The following FARS2 variants were observed in gnomAD, a reference collection of about 807,000 sequenced individuals.
FARS2 encodes the protein phenylalanine--tRNA ligase, mitochondrial.
Under a neutral mutation model 46.4 loss-of-function variants are expected in FARS2, and 40 were observed. That is an observed-to-expected ratio of 0.86 (90% CI 0.67 to 1.12). FARS2 has a LOEUF of 1.12. Among genes scored for constraint, FARS2 ranks in the 50% most tolerant of loss-of-function variants. The pLI, the probability that FARS2 is intolerant of heterozygous loss-of-function variation, is 0.00. For synonymous variants in FARS2, 234 were observed against 214.9 expected, an observed-to-expected ratio of 1.09 and a Z score of -0.78; for missense variants, 513 against 567.9, an observed-to-expected ratio of 0.90 and a Z score of 0.98.
chr6:5,415,316 T>C (rs1314077209), intron 3 of FARS2, among the ~76,000 whole-genome samples: 91 of 133,464 alleles, frequency 6.8e-4, no homozygotes, highest in Non-Finnish European at 9.2e-4. Flanking sequence ...TTTTCTTTTT[T>C]TTTTTTTTTT....
chr6:5,253,550 G>C, the FARS2 span, among the ~76,000 whole-genome samples: 1 of 152,014 alleles, frequency 6.6e-6, no homozygotes, highest in Non-Finnish European at 1.5e-5. Flanking sequence ...AAGCTGCAGC[G>C]ACAACTTGCG....
intron 6 of FARS2, among the ~76,000 whole-genome samples, chr6:5,760,223 G>C (rs1198448599): frequency 1.3e-5 from 2 of 152,200 alleles, no homozygotes; most frequent in African/African-American, 4.8e-5. Context: ...AGAAATAAAA[G>C]TTTTACAACA....
intron 5 of FARS2, among the ~76,000 whole-genome samples, chr6:5,575,469 C>G (rs1330730438): frequency 6.6e-6 from 1 of 152,206 alleles, no homozygotes; most frequent in Non-Finnish European, 1.5e-5. Flanking sequence ...GACACATACC[C>G]TCTTCTCCTA....
At chr6:5,321,839 T>A (rs1330378652) in intron 1 of FARS2, among the ~76,000 whole-genome samples, 1 of 152,190 alleles carries the variant, frequency 6.6e-6, no homozygotes, top group East Asian at 1.9e-4. Flanking sequence ...GAATCTTTAG[T>A]AAAGATTAAC....
intron 4 of FARS2, among the ~76,000 whole-genome samples, chr6:5,513,862 AC>A (rs2150408763): frequency 6.6e-6 from 1 of 152,134 alleles, no homozygotes; most frequent in African/African-American, 2.4e-5. Context: ...GGCTTTCTGT[AC>A]CATTACAGAT....
At chr6:5,342,644 C>T (rs192296204) in intron 1 of FARS2, among the ~76,000 whole-genome samples, 2 of 151,678 alleles carry the variant, frequency 1.3e-5, no homozygotes, top group African/African-American at 2.4e-5. Context: ...CCCAGCTATT[C>T]GGGAGGCTGA....
intron 6 of FARS2, among the ~76,000 whole-genome samples, chr6:5,663,253 T>C (rs1311289813): frequency 6.6e-6 from 1 of 152,116 alleles, no homozygotes; most frequent in African/African-American, 2.4e-5. Flanking sequence ...ACTGAATGGC[T>C]CTTCAATGTA....
intron 5 of FARS2, among the ~76,000 whole-genome samples, chr6:5,601,120 C>G (rs2150633562): frequency 6.6e-6 from 1 of 152,334 alleles, no homozygotes; most frequent in Non-Finnish European, 1.5e-5. Flanking sequence ...TGCTGGCACC[C>G]TGTGGCCTCC....
At chr6:5,725,030 C>T (rs927566842) in intron 6 of FARS2, among the ~76,000 whole-genome samples, 2 of 152,208 alleles carry the variant, frequency 1.3e-5, no homozygotes, top group Non-Finnish European at 2.9e-5. Context: ...TCGCTATTAC[C>T]GTGTTACCAC....
intron 5 of FARS2, among the ~76,000 whole-genome samples, chr6:5,546,833 G>A (rs866579002): frequency 6.6e-6 from 1 of 150,692 alleles, no homozygotes; most frequent in Non-Finnish European, 1.5e-5. Flanking sequence ...ATTTGCATTT[G>A]CTTCCTTTTT....
chr6:5,351,024 CAT>C (rs1757540179), intron 1 of FARS2, among the ~76,000 whole-genome samples: 4 of 152,282 alleles, frequency 2.6e-5, no homozygotes, highest in African/African-American at 7.2e-5. Context: ...AAAGTGAGCA[CAT>C]GTCTAGATAT....
chr6:5,629,363 C>T (rs764506774), intron 6 of FARS2, among the ~76,000 whole-genome samples: 36 of 152,046 alleles, frequency 2.4e-4, no homozygotes, highest in Non-Finnish European at 3.1e-4. Context: ...GAAATGTTTG[C>T]GGATTGTGGT....
intron 6 of FARS2, among the ~76,000 whole-genome samples, chr6:5,627,054 G>A (rs538948208): frequency 2.0e-4 from 31 of 152,280 alleles, no homozygotes; most frequent in African/African-American, 7.0e-4. Context: ...TGTTCACACC[G>A]CATCACCACA....
intron 1 of FARS2, among the ~76,000 whole-genome samples, chr6:5,321,377 G>A (rs1769961955): frequency 6.6e-6 from 1 of 152,174 alleles, no homozygotes; most frequent in African/African-American, 2.4e-5. Context: ...GGTAGATCTA[G>A]AAGGATGGGT....
chr6:5,467,171 AT>A, intron 4 of FARS2: 1 of 690,438 alleles, frequency 1.4e-6, no homozygotes, highest in Non-Finnish European at 1.8e-6. Context: ...TGTGGTTTAC[AT>A]TTTTTGACTG....
chr6:5,477,632 G>C (rs1766200210), intron 4 of FARS2, among the ~76,000 whole-genome samples: 1 of 152,138 alleles, frequency 6.6e-6, no homozygotes, highest in South Asian at 2.1e-4. Context: ...TAATGTCTCT[G>C]GGCCTCAGTT....
At chr6:5,394,782 A>G (rs76758735) in intron 2 of FARS2, among the ~76,000 whole-genome samples, 1,699 of 152,182 alleles carry the variant, frequency 0.011, 36 homozygotes, top group African/African-American at 0.039. Context: ...TTTTTAAAAA[A>G]AAAGCATTTG....
At chr6:5,428,359 T>G (rs1445271905) in intron 3 of FARS2, among the ~76,000 whole-genome samples, 1 of 152,190 alleles carries the variant, frequency 6.6e-6, no homozygotes, top group Non-Finnish European at 1.5e-5. Flanking sequence ...GCACTTACTT[T>G]ACCACTGTGT....
intron 6 of FARS2, among the ~76,000 whole-genome samples, chr6:5,676,388 T>G (rs1778769734): frequency 6.6e-6 from 1 of 152,236 alleles, no homozygotes; most frequent in African/African-American, 2.4e-5. Flanking sequence ...GATACATATT[T>G]GCAAATTTGG....
Sources: allele counts gnomAD v4.1 joint callset (sites outside exome capture counted in the v4.1 genomes callset), GRCh38; gene constraint gnomAD v4.1.1; transcripts MANE v1.5; gene names NCBI Gene and HGNC (gene_info 2026-07-23, HGNC 2026-07-21).